The following GRPR variants were observed in gnomAD, a reference collection of about 807,000 sequenced individuals.
GRPR encodes gastrin releasing peptide receptor, also known as gastrin-releasing peptide receptor.
In GRPR, 4 loss-of-function variants were observed where a neutral mutation model predicts 15.6. The observed-to-expected ratio is 0.26, with a 90% CI of 0.13 to 0.59. GRPR has a LOEUF of 0.59. GRPR is among the 20% of genes least tolerant of loss of function. The pLI is 0.90. For missense variants in GRPR, 270 were observed against 304.1 expected, an observed-to-expected ratio of 0.89 and a Z score of 0.83; for synonymous variants, 128 against 126.8, an observed-to-expected ratio of 1.01 and a Z score of -0.06.
chrX:16,128,928 T>C lies in GRPR; in HGVS notation c.413+4562T>C, dbSNP rs1406048148. 3.6e-5 allele frequency among the ~76,000 whole-genome samples: 4 copies of C among 112,011 alleles called. No homozygotes were observed. The East Asian group carries it at 1.1e-3, about 31-fold the overall frequency. ...AATTGGACCCTCAACAGAAAAAGGG[T>C]GAGCGTGGTTTGTGTTTTCTTTTCC... On this transcript the variant is annotated intron_variant, in intron 1 of 2. Coordinates refer to ENST00000380289, the MANE Select transcript of GRPR (RefSeq NM_005314.3).
chrX:16,124,120 T>G lies in GRPR; in HGVS notation c.167T>G (p.Ile56Ser). 8.3e-7 allele frequency: 1 copy of G among 1,208,397 alleles called. No individual in the cohort carries two copies. The highest frequency in any genetic ancestry group is 1.1e-6 in the Non-Finnish European group (1 of 892,301). Residue 56 changes from isoleucine (I) to serine (S), a missense_variant, in exon 1 of 3, where the codon ATT becomes AGT. Around this residue, in one of 3 missense-constraint regions of GRPR, gnomAD observed 115 missense variants for 128.8 expected, o/e 0.89. Transcript: ENST00000380289. ...VYGVIILIGL[I>S]GNITLIKIFC... ...GGGGTTATCATTCTGATAGGCCTCA[T>G]TGGCAACATCACTTTGATCAAGATC... is the stretch of plus-strand genomic sequence containing the variant.
At chrX:16,147,487 G>T (rs191523266) in intron 1 of GRPR, among the ~76,000 whole-genome samples, 87 of 111,351 alleles carry the variant, frequency 7.8e-4, no homozygotes, top group Non-Finnish European at 1.2e-3. Context: ...GAAAAAAAAT[G>T]GGGTAATTAT....
At chrX:16,133,347 T>C (rs1392957621) in intron 1 of GRPR, among the ~76,000 whole-genome samples, 1 of 111,965 alleles carries the variant, frequency 8.9e-6, no homozygotes, top group Non-Finnish European at 1.9e-5. Flanking sequence ...TGTTGGTTAT[T>C]GTGATTCTAT....
intron 1 of GRPR, among the ~76,000 whole-genome samples, chrX:16,143,892 C>T (rs1458863181): frequency 3.6e-5 from 4 of 111,788 alleles, no homozygotes; most frequent in Admixed American, 2.9e-4. Context: ...AGCTCCTTGT[C>T]GGTAAAGAAT....
rs752510531 is a variant in GRPR, at chrX:16,152,649, G to T, written c.*4G>T. On this transcript the variant is annotated 3_prime_UTR_variant, in exon 3 of 3. Coordinates refer to ENST00000380289, the MANE Select transcript of GRPR (RefSeq NM_005314.3). ...CTGTCACGAGCGGTATGTCTAGATT[G>T]ACCCTTGATTTTGCCCCCTGAGGGA... 2 of 1,205,995 alleles carry T rather than the reference G, an allele frequency of 1.7e-6. No homozygotes were observed. Among genetic ancestry groups the T allele is most frequent in the Non-Finnish European group, 2.2e-6 (2 of 890,979 alleles).
chrX:16,147,607 CTTAA>C (rs914080394), intron 1 of GRPR, among the ~76,000 whole-genome samples: 1 of 112,014 alleles, frequency 8.9e-6, no homozygotes, highest in African/African-American at 3.2e-5. Flanking sequence ...AATCTAGAGG[CTTAA>C]TTAGATTTAG....
chrX:16,150,187 A>G (rs1922673591), intron 1 of GRPR, 118 bp from the exon 2 acceptor site: 1 of 555,955 alleles, frequency 1.8e-6, no homozygotes, highest in East Asian at 3.4e-5. Flanking sequence ...CAGGACCCGA[A>G]AGTGAGCACC....
At chrX:16,152,142 AT>A in intron 2 of GRPR, 113 bp from the exon 3 acceptor site, 1 of 653,822 alleles carries the variant, frequency 1.5e-6, no homozygotes, top group Non-Finnish European at 2.5e-6. Context: ...GAACTCCTCT[AT>A]TGCCCTAATT....
intron 1 of GRPR, among the ~76,000 whole-genome samples, chrX:16,146,970 G>A (rs1172357521): frequency 2.7e-5 from 3 of 111,431 alleles, no homozygotes; most frequent in Non-Finnish European, 3.8e-5. Flanking sequence ...AGATAATAAT[G>A]TCTACCTATT....
chrX:16,128,964 A>T (rs187812133), intron 1 of GRPR, among the ~76,000 whole-genome samples: 2 of 112,290 alleles, frequency 1.8e-5, no homozygotes, highest in Admixed American at 1.9e-4. Flanking sequence ...AGTAAGTGTA[A>T]GGTTTAAAGC....
At chrX:16,145,654 T>C (rs192837889) in intron 1 of GRPR, among the ~76,000 whole-genome samples, 1 of 112,227 alleles carries the variant, frequency 8.9e-6, no homozygotes, top group African/African-American at 3.2e-5. Flanking sequence ...AAGAGTATAA[T>C]TGGATTGCTT....
At position 16,124,308 on chromosome X, in the gene GRPR, A is replaced by G. The variant is rs770633829; in HGVS notation, c.355A>G (p.Ile119Val). The G allele has an allele frequency of 2.2e-5, 26 of 1,208,845 alleles. No individual in the cohort carries two copies. The Middle Eastern group carries it at 6.9e-4, about 32-fold the overall frequency. The stretch of plus-strand genomic sequence containing the variant: ...GATTGGCTGCAAACTGATCCCCTTT[A>G]TACAGCTTACCTCTGTTGGGGTGTC... Reference protein sequence around the residue: ...GRIGCKLIPFIQLTSVGVSVF... With the variant: ...GRIGCKLIPFVQLTSVGVSVF... Residue 119 changes from isoleucine (I) to valine (V), a missense_variant, in exon 1 of 3, where the codon ATA becomes GTA. Around this residue, in one of 3 missense-constraint regions of GRPR, gnomAD observed 115 missense variants for 128.8 expected, o/e 0.89. Coordinates refer to ENST00000380289, the MANE Select transcript of GRPR (RefSeq NM_005314.3).
In GRPR at chrX:16,150,322, G is replaced by C. The variant is rs368337751; in HGVS notation, c.431G>C (p.Arg144Pro). The C allele has an allele frequency of 8.4e-7, 1 of 1,195,726 alleles. No individual in the cohort carries two copies. Among genetic ancestry groups the C allele is most frequent in the South Asian group, 1.8e-5 (1 of 56,579 alleles). ...LSADRYKAIV[R>P]PMDIQASHAL... ...TGCCCTAGATACAAAGCCATTGTCC[G>C]GCCAATGGATATCCAGGCCTCTCAT... Residue 144 changes from arginine to proline, a missense_variant, in exon 2 of 3, where the codon CGG becomes CCG. This residue lies in a region of GRPR where 115 missense variants were observed against 128.8 expected (regional missense o/e 0.89). Coordinates refer to ENST00000380289, the MANE Select transcript of GRPR (RefSeq NM_005314.3).
At position 16,152,677 on chromosome X, in the gene GRPR, G is replaced by GT; in HGVS notation, c.*36dup. 1 of 1,158,884 alleles carries GT rather than the reference G, an allele frequency of 8.6e-7. No homozygotes were observed. Among genetic ancestry groups the GT allele is most frequent in the Non-Finnish European group, 1.2e-6 (1 of 850,571 alleles). ...CCTTGATTTTGCCCCCTGAGGGACG[G>GT]TTTTGCTTTATGGCTAGACAGGAAC... On this transcript the variant is annotated 3_prime_UTR_variant, in exon 3 of 3. Transcript: ENST00000380289.
chrX:16,150,337 A>G lies in GRPR; in HGVS notation c.446A>G (p.Gln149Arg). 1 of 1,203,982 alleles carries G rather than the reference A, an allele frequency of 8.3e-7. No homozygotes were observed. The highest frequency in any genetic ancestry group is 1.1e-6 in the Non-Finnish European group (1 of 888,478). ...GCCATTGTCCGGCCAATGGATATCCAGGCCTCTCATGCCCTGATGAAGATC... is the reference window on the plus strand; with the variant it reads ...GCCATTGTCCGGCCAATGGATATCCGGGCCTCTCATGCCCTGATGAAGATC... ...YKAIVRPMDI[Q>R]ASHALMKICL... Residue 149 changes from glutamine (Q) to arginine (R), a missense_variant, in exon 2 of 3, where the codon CAG (glutamine) becomes CGG (arginine). Physicochemically the swap from Gln to Arg is conservative, Grantham distance 43. Around this residue, in one of 3 missense-constraint regions of GRPR, gnomAD observed 115 missense variants for 128.8 expected, o/e 0.89. Coordinates refer to ENST00000380289, the MANE Select transcript of GRPR (RefSeq NM_005314.3).
rs1463403172 is a variant in GRPR, at chrX:16,150,528, G to C, written c.637G>C (p.Ala213Pro). ...GCTTCACCCCAAAATCCATTCTATG[G>C]CTTCCTTTCTGGTCTTCTACGTCAT... Reference protein sequence around the residue: ...NELHPKIHSMASFLVFYVIPL... With the variant: ...NELHPKIHSMPSFLVFYVIPL... Residue 213 changes from alanine (A) to proline (P), a missense_variant, in exon 2 of 3, where the codon GCT becomes CCT. Coordinates refer to ENST00000380289, the MANE Select transcript of GRPR (RefSeq NM_005314.3). The C allele has an allele frequency of 1.7e-6, 2 of 1,197,915 alleles. No individual in the cohort carries two copies. The highest frequency in any genetic ancestry group is 2.3e-6 in the Non-Finnish European group (2 of 883,050).
At chrX:16,152,062 G>T (rs1441923600) in intron 2 of GRPR, among the ~76,000 whole-genome samples, 194 bp from the exon 3 acceptor site, 3 of 108,990 alleles carry the variant, frequency 2.8e-5, no homozygotes, top group Non-Finnish European at 5.7e-5. Flanking sequence ...GTCTGTTTCT[G>T]TTGCCTTTCT....
At chrX:16,126,429 T>C (rs1398869567) in intron 1 of GRPR, among the ~76,000 whole-genome samples, 3 of 111,920 alleles carry the variant, frequency 2.7e-5, no homozygotes, top group Non-Finnish European at 3.8e-5. Flanking sequence ...AGGGCAAATA[T>C]ATATTCTATA....
At chrX:16,126,899 C>T (rs1462185385) in intron 1 of GRPR, among the ~76,000 whole-genome samples, 1 of 111,756 alleles carries the variant, frequency 8.9e-6, no homozygotes, top group Non-Finnish European at 1.9e-5. Context: ...CTGCTCTGGA[C>T]ATTCTTATTC....
Sources: gnomAD v4.1 joint callset for allele counts (sites outside exome capture counted in the v4.1 genomes callset) on GRCh38, gnomAD v4.1.1 for gene constraint, gnomAD v4.1.1 regional missense constraint, MANE v1.5 for transcripts, NCBI Gene and HGNC (gene_info 2026-07-23, HGNC 2026-07-21) for gene names.